The following ARHGAP26 variants were observed in gnomAD, a reference collection of about 807,000 sequenced individuals.
ARHGAP26 encodes Rho GTPase activating protein 26, also known as rho GTPase-activating protein 26.
In ARHGAP26, 38 loss-of-function variants were observed where a neutral mutation model predicts 104.8. That is an observed-to-expected ratio of 0.36 (90% confidence interval 0.28 to 0.48). The LOEUF is 0.48. ARHGAP26 is among the 20% of genes least tolerant of loss of function. The pLI is 0.99. For synonymous variants in ARHGAP26, 341 were observed against 340.0 expected, an observed-to-expected ratio of 1.00 and a Z score of -0.03; for missense variants, 704 against 947.9, an observed-to-expected ratio of 0.74 and a Z score of 3.38.
At chr5:143,152,533 A>G (rs1276262659) in intron 20 of ARHGAP26, among the ~76,000 whole-genome samples, 1 of 152,230 alleles carries the variant, frequency 6.6e-6, no homozygotes, top group Non-Finnish European at 1.5e-5. Flanking sequence ...GGCCTGCTTC[A>G]CTTTTATACC....
At chr5:143,012,533 A>G (rs1778893179) in intron 11 of ARHGAP26, among the ~76,000 whole-genome samples, 1 of 81,476 alleles carries the variant, frequency 1.2e-5, no homozygotes, top group South Asian at 3.1e-4. Context: ...CTGGAGGGAT[A>G]TATTTATATA....
chr5:142,959,045 T>G (rs1272279131), intron 11 of ARHGAP26, among the ~76,000 whole-genome samples: 1 of 152,198 alleles, frequency 6.6e-6, no homozygotes. Context: ...TTAATAGTCA[T>G]TTTGAGCACT....
chr5:143,115,722 A>G (rs1795354708), intron 17 of ARHGAP26, among the ~76,000 whole-genome samples: 1 of 152,176 alleles, frequency 6.6e-6, no homozygotes. Context: ...ATACTTAATC[A>G]GCCTTTCAAG....
rs752338630 is a variant in ARHGAP26 at position 143,012,537 on chromosome 5, T to TTATATATATATGTATATA, written c.1108-1537_1108-1536insTATATGTATATATATATA. ...CATTAGAGTCACTGGAGGGATATAT[T>TTATATATATATGTATATA]TATATACATACATACATATATATAT... On this transcript the variant is annotated intron_variant, in intron 11 of 22. Transcript: ENST00000645722. 1.1e-4 allele frequency among the ~76,000 whole-genome samples: 2 copies of TTATATATATATGTATATA among 17,646 alleles called. 1 individual carries two copies. The allele number at this position is 17,646 out of a possible 152,430, so 11.6% of individuals were successfully genotyped here. A position where few individuals can be genotyped will look rare whatever the true frequency, so the allele number is the denominator to read the frequency against.
At chr5:143,139,000 G>A (rs1798212648) in intron 19 of ARHGAP26, among the ~76,000 whole-genome samples, 1 of 152,116 alleles carries the variant, frequency 6.6e-6, no homozygotes, top group Admixed American at 6.6e-5. Context: ...TTCTTTTAGG[G>A]TTAGCTGTTG....
At chr5:143,128,707 G>A (rs1450776185) in intron 18 of ARHGAP26, among the ~76,000 whole-genome samples, 1 of 152,162 alleles carries the variant, frequency 6.6e-6, no homozygotes, top group African/African-American at 2.4e-5. Context: ...ACTGTTGTAG[G>A]TCTACTTTCC....
At position 142,844,580 on chromosome 5, in the gene ARHGAP26, T is replaced by C. The variant is rs190150878; in HGVS notation, c.155-28820T>C. Among the ~76,000 whole-genome samples the C allele has an allele frequency of 1.2e-3, 180 of 152,066 alleles. 2 individuals carry two copies. The highest frequency in any genetic ancestry group is 1.9e-3 in the Non-Finnish European group (132 of 67,986). On this transcript the variant is annotated intron_variant, in intron 1 of 22. Transcript: ENST00000645722. ...TGAGAACTCCAGAATAAGAACTCTT[T>C]TAGGCTGGGCGTAGTGGCTCACGTC...
At chr5:143,150,041 T>C (rs967709834) in intron 20 of ARHGAP26, among the ~76,000 whole-genome samples, 16 of 152,210 alleles carry the variant, frequency 1.1e-4, no homozygotes, top group Non-Finnish European at 7.3e-5. Context: ...CCCTCTTATT[T>C]ACATGAATGT....
chr5:143,048,942 C>A (rs942637253), intron 14 of ARHGAP26, among the ~76,000 whole-genome samples: 1 of 149,220 alleles, frequency 6.7e-6, no homozygotes, highest in Non-Finnish European at 1.5e-5. Context: ...AAAAACCTTA[C>A]CCAATCTAGA....
chr5:143,191,382 A>G (rs995786537), intron 20 of ARHGAP26, among the ~76,000 whole-genome samples: 1 of 152,218 alleles, frequency 6.6e-6, no homozygotes, highest in Non-Finnish European at 1.5e-5. Flanking sequence ...GGCTCTTCCA[A>G]ATAATTAAGT....
intron 17 of ARHGAP26, among the ~76,000 whole-genome samples, chr5:143,087,585 C>G (rs1330754838): frequency 1.4e-5 from 2 of 142,556 alleles, no homozygotes; most frequent in Non-Finnish European, 3.0e-5. Flanking sequence ...GGGCTTTTGT[C>G]TGTTACCTAT....
At chr5:143,031,085 C>T (rs994474948) in intron 12 of ARHGAP26, among the ~76,000 whole-genome samples, 5 of 152,194 alleles carry the variant, frequency 3.3e-5, no homozygotes, top group Admixed American at 2.0e-4. Context: ...GGCTCCCGTG[C>T]GAAATCCACA....
chr5:143,213,893 G>A, intron 21 of ARHGAP26, 104 bp from the exon 22 acceptor site: 1 of 665,976 alleles, frequency 1.5e-6, no homozygotes, highest in Non-Finnish European at 2.5e-6. Context: ...TCCCACGAGA[G>A]GGGACTAGGT....
intron 12 of ARHGAP26, among the ~76,000 whole-genome samples, chr5:143,016,233 C>T (rs1779566253): frequency 6.6e-6 from 1 of 152,168 alleles, no homozygotes; most frequent in African/African-American, 2.4e-5. Flanking sequence ...CTTGACCTCC[C>T]TCAAGAAAAG....
At chr5:142,778,836 G>A (rs903987966) in intron 1 of ARHGAP26, among the ~76,000 whole-genome samples, 3 of 152,042 alleles carry the variant, frequency 2.0e-5, no homozygotes, top group Admixed American at 2.0e-4. Flanking sequence ...GCTCCTTTGA[G>A]TATGTTAGAT....
intron 12 of ARHGAP26, among the ~76,000 whole-genome samples, chr5:143,015,128 T>G (rs185095333): frequency 6.6e-6 from 1 of 150,466 alleles, no homozygotes. Context: ...CTTTATGAGA[T>G]GAAAAAAAAA....
At chr5:143,038,751 A>G (rs1213603509) in intron 13 of ARHGAP26, among the ~76,000 whole-genome samples, 2 of 116,472 alleles carry the variant, frequency 1.7e-5, no homozygotes, top group Admixed American at 1.3e-4. Flanking sequence ...GCTGGAGTGC[A>G]GTAATGCAGT....
At position 143,024,573 on chromosome 5, in the gene ARHGAP26, G is replaced by A. The variant is rs372485954; in HGVS notation, c.1144+10457G>A. Among the ~76,000 whole-genome samples the A allele has an allele frequency of 2.8e-4, 43 of 152,196 alleles. 1 individual carries two copies. In the East Asian group the frequency reaches 3.3e-3, roughly 12 times the overall value. On this transcript the variant is annotated intron_variant, in intron 12 of 22. Coordinates refer to ENST00000645722, the MANE Select transcript of ARHGAP26 (RefSeq NM_001135608.3). ...CAGAGACTAAAATATTTCCCCCACT[G>A]CCACCGAGTACAGGCTTCCAGTTAT...
rs539038027 is a variant in ARHGAP26 at position 143,069,223 on chromosome 5, A to G, written c.1538+11476A>G. Reference sequence around the variant, plus strand: ...TAACCATGTCAGTATCTAATATACTATATATTTGATTTGTTTACTCGTTGT... The same window carrying G: ...TAACCATGTCAGTATCTAATATACTGTATATTTGATTTGTTTACTCGTTGT... On this transcript the variant is annotated intron_variant, in intron 17 of 22. Coordinates refer to ENST00000645722, the MANE Select transcript of ARHGAP26 (RefSeq NM_001135608.3). Among the ~76,000 whole-genome samples, 4 of 152,252 alleles carry G rather than the reference A, an allele frequency of 2.6e-5. No individual in the cohort carries two copies. The South Asian group carries it at 6.2e-4, about 24-fold the overall frequency.
Sources: gnomAD v4.1 joint callset for allele counts (sites outside exome capture counted in the v4.1 genomes callset) on GRCh38, gnomAD v4.1.1 for gene constraint, MANE v1.5 for transcripts, NCBI Gene and HGNC (gene_info 2026-07-23, HGNC 2026-07-21) for gene names.